The following SPON2 variants were observed in gnomAD, a reference collection of about 807,000 sequenced individuals.
SPON2 encodes the protein spondin 2.
SPON2 carries 32 observed loss-of-function variants against 29.9 expected under a neutral mutation model. That is an observed-to-expected ratio of 1.07 (90% confidence interval 0.81 to 1.44). The LOEUF (loss-of-function observed/expected upper bound fraction) is 1.44, where lower values mean the gene tolerates loss of function less well. Among genes scored for constraint, SPON2 ranks in the 40% most tolerant of loss-of-function variants. The probability of loss-of-function intolerance (pLI) is 0.00; values close to 1 mark genes in which losing one functional copy is unlikely to be tolerated. For missense variants in SPON2, 541 were observed against 455.5 expected, an observed-to-expected ratio of 1.19 and a Z score of -1.71; for synonymous variants, 248 against 209.1, an observed-to-expected ratio of 1.19 and a Z score of -1.61.
chr4:1,198,219 CA>C (rs1407718768), upstream of SPON2, among the ~76,000 whole-genome samples: 1 of 152,200 alleles, frequency 6.6e-6, no homozygotes, highest in Non-Finnish European at 1.5e-5. Context: ...AAACCTGCAG[CA>C]GCCATGTTGT....
rs894894383 is a variant in SPON2, at chr4:1,170,505, G to C, written c.708C>G (p.Ile236Met). The change falls in exon 5 of 6, where the codon ATC becomes ATG. Residue 236 changes from isoleucine to methionine, a missense_variant. Coordinates refer to ENST00000290902, the MANE Select transcript of SPON2 (RefSeq NM_012445.4). Reference protein sequence around the residue: ...YYPRLKALPPIARVTLVRLRQ... With the variant: ...YYPRLKALPPMARVTLVRLRQ... ...GCAGCCGCACCAGTGTCACCCTGGC[G>C]ATGGGAGGCAGGGCCTTCAGCCGCG... 7.4e-6 allele frequency: 12 copies of C among 1,613,954 alleles called. No homozygotes were observed. Among genetic ancestry groups the C allele is most frequent in the South Asian group, 4.4e-5 (4 of 91,088 alleles).
intron 1 of SPON2, among the ~76,000 whole-genome samples, chr4:1,185,979 T>C (rs1365487415): frequency 1.3e-5 from 2 of 151,726 alleles, no homozygotes; most frequent in East Asian, 2.0e-4. Flanking sequence ...GCGTGGTGGC[T>C]CACGCCTGTA....
chr4:1,183,577 G>C (rs578068308), intron 1 of SPON2, among the ~76,000 whole-genome samples: 1 of 152,204 alleles, frequency 6.6e-6, no homozygotes, highest in South Asian at 2.1e-4. Flanking sequence ...GTAACTCCAC[G>C]TTTTGTTCAT....
chr4:1,194,867 C>T (rs1267438467), intron 1 of SPON2: 1 of 150,964 alleles, frequency 6.6e-6, no homozygotes, highest in African/African-American at 2.4e-5. Flanking sequence ...GGCCTCACCC[C>T]ACAGCCGGCG....
At position 1,202,593 on chromosome 4, in the gene SPON2, A is replaced by C. The variant is rs975137717; in HGVS notation, c.-234+5287T>G. The stretch of plus-strand genomic sequence containing the variant: ...TGTGGGCTCAGCCCACTCAGTGCTC[A>C]TGGGTCGGAGTCTCCTGCCTGCCGC... On this transcript the variant is annotated intron_variant, in intron 1 of 3. Transcript: ENST00000509233. The surrounding 1 kb of genome is among the most constrained non-coding windows in gnomAD (Gnocchi z 5.4). Among the ~76,000 whole-genome samples the C allele has an allele frequency of 1.3e-5, 2 of 151,480 alleles. No homozygotes were observed. The highest frequency in any genetic ancestry group is 4.9e-5 in the African/African-American group (2 of 41,112).
chr4:1,204,376 G>C (rs1728287709), intron 1 of SPON2, among the ~76,000 whole-genome samples: 1 of 152,154 alleles, frequency 6.6e-6, no homozygotes, highest in African/African-American at 2.4e-5. Flanking sequence ...CAGAATATTA[G>C]ACGGGCACTG....
rs1727271378 is a variant in SPON2 at position 1,167,365 on chromosome 4, G to A, written c.*107C>T. 1.1e-5 allele frequency: 14 copies of A among 1,220,286 alleles called. No homozygotes were observed. Among genetic ancestry groups the A allele is most frequent in the Admixed American group, 9.2e-5 (4 of 43,516 alleles). The allele number at this position is 1,220,286 out of a possible 1,614,324, so 75.6% of individuals were successfully genotyped here. ...CGGCGCGGCCTCACCGCGGTCAGGA[G>A]CAGCGCGAAACCCCCTGTGCCCTCG... On this transcript the variant is annotated 3_prime_UTR_variant, in exon 6 of 6. Coordinates refer to ENST00000290902, the MANE Select transcript of SPON2 (RefSeq NM_012445.4).
At chr4:1,192,448 A>C (rs1727931631) in intron 1 of SPON2, among the ~76,000 whole-genome samples, 1 of 152,208 alleles carries the variant, frequency 6.6e-6, no homozygotes, top group Non-Finnish European at 1.5e-5. Flanking sequence ...ATCTCTTGAC[A>C]CGATGGTAAA....
chr4:1,207,595 G>A (rs916032541), intron 1 of SPON2, among the ~76,000 whole-genome samples: 2 of 128,204 alleles, frequency 1.6e-5, no homozygotes, highest in African/African-American at 6.5e-5. Flanking sequence ...GCTCCAGAGG[G>A]TCCGGCTGCC....
chr4:1,174,499 A>AC (rs1179918777), upstream of SPON2, among the ~76,000 whole-genome samples: 2 of 149,854 alleles, frequency 1.3e-5, no homozygotes, highest in Admixed American at 1.3e-4. Flanking sequence ...AAAAAAAAAA[A>AC]AAACAAAAAA....
At chr4:1,174,512 A>C (rs544242351), upstream of SPON2, among the ~76,000 whole-genome samples, 227 of 148,844 alleles carry the variant, frequency 1.5e-3, no homozygotes, top group Non-Finnish European at 2.5e-3. Flanking sequence ...ACAAAAAAAC[A>C]AAAAACAAAA....
In SPON2 at chr4:1,202,904, C is replaced by T. The variant is rs955755096; in HGVS notation, c.-234+4976G>A. On this transcript the variant is annotated intron_variant, in intron 1 of 3. Transcript: ENST00000509233. The surrounding 1 kb of genome is among the most constrained non-coding windows in gnomAD (Gnocchi z 5.4). The stretch of plus-strand genomic sequence containing the variant: ...GCGCCTGCACCTGCCTGAGCCATGG[C>T]TGGGGCGGCCAAGGAGGGCTGGGCC... Among the ~76,000 whole-genome samples, 1 of 152,216 alleles carries T rather than the reference C, an allele frequency of 6.6e-6. No homozygotes were observed. The highest frequency in any genetic ancestry group is 2.1e-4 in the South Asian group (1 of 4,830).
At chr4:1,190,879 G>A (rs1727898520) in intron 1 of SPON2, among the ~76,000 whole-genome samples, 1 of 151,932 alleles carries the variant, frequency 6.6e-6, no homozygotes. Context: ...AATAAGCTTA[G>A]GAATAAATTC....
chr4:1,196,051 C>T (rs1450639374), upstream of SPON2, among the ~76,000 whole-genome samples: 1 of 152,184 alleles, frequency 6.6e-6, no homozygotes, highest in Non-Finnish European at 1.5e-5. Context: ...CTCAAGGAGG[C>T]TCACACAGGC....
intron 1 of SPON2, chr4:1,201,024 G>A (rs1273624005): frequency 2.2e-6 from 1 of 456,164 alleles, no homozygotes. Flanking sequence ...CACCATACCT[G>A]GTCTGGGCTG....
intron 1 of SPON2, among the ~76,000 whole-genome samples, chr4:1,183,770 G>A (rs1441227891): frequency 2.0e-5 from 3 of 152,160 alleles, no homozygotes; most frequent in Non-Finnish European, 4.4e-5. Flanking sequence ...AATGTTAAAT[G>A]TAATCCCCAT....
chr4:1,187,311 G>C (rs1377119453), intron 1 of SPON2, among the ~76,000 whole-genome samples: 2 of 152,124 alleles, frequency 1.3e-5, no homozygotes, highest in Admixed American at 6.6e-5. Flanking sequence ...GAGGTACTTA[G>C]AATAGTCACA....
At chr4:1,168,436 A>T (rs935611990) in intron 5 of SPON2, among the ~76,000 whole-genome samples, 3 of 152,212 alleles carry the variant, frequency 2.0e-5, no homozygotes, top group Admixed American at 1.3e-4. Flanking sequence ...AGGATGAGAG[A>T]GAGTGGAGAA....
chr4:1,193,939 G>A (rs1727977345), intron 1 of SPON2, among the ~76,000 whole-genome samples: 1 of 151,260 alleles, frequency 6.6e-6, no homozygotes, highest in Non-Finnish European at 1.5e-5. Context: ...GGGGAGCTGT[G>A]GGAATAACAC....
Sources: gnomAD v4.1 joint callset for allele counts (sites outside exome capture counted in the v4.1 genomes callset) on GRCh38, gnomAD v4.1.1 for gene constraint, Gnocchi (gnomAD v3.1) non-coding constraint, MANE v1.5 for transcripts, NCBI Gene and HGNC (gene_info 2026-07-23, HGNC 2026-07-21) for gene names.